FBF1: variants seen among roughly 807,000 people sequenced by gnomAD.
FBF1 encodes Fas binding factor 1.
In FBF1, 119 loss-of-function variants were observed where a neutral mutation model predicts 147.2. The ratio of observed to expected loss-of-function variants is 0.81; its 90% CI spans 0.70 to 0.94. The LOEUF is 0.94. FBF1 is among the 40% of genes least tolerant of loss of function. The pLI, the probability that FBF1 is intolerant of heterozygous loss-of-function variation, is 0.00. For synonymous variants in FBF1, 601 were observed against 609.0 expected, an observed-to-expected ratio of 0.99 and a Z score of 0.19; for missense variants, 1,449 against 1,500.8, an observed-to-expected ratio of 0.97 and a Z score of 0.57.
rs369706176 is a variant in FBF1 at position 75,926,372 on chromosome 17, A to T, written c.650T>A (p.Leu217Ter). 1 of 1,609,610 alleles carries T rather than the reference A, an allele frequency of 6.2e-7. No individual in the cohort carries two copies. The highest frequency in any genetic ancestry group is 8.5e-7 in the Non-Finnish European group (1 of 1,178,098). ...GDTPIRKKEE[L>*]LFDDGDDIMA... ...GATGTCATCCCCATCATCAAACAAC[A>T]ATTCTTCTTTTTTTCGGATGGGGGT... The change falls in exon 11 of 30, where the codon TTG becomes TAG. Residue 217 changes from leucine to a stop codon, truncating the protein, a stop_gained. Transcript: ENST00000636174. LOFTEE classifies it high-confidence loss of function.
chr17:75,915,862 G>T (rs1468448497), intron 23 of FBF1, among the ~76,000 whole-genome samples: 1 of 151,928 alleles, frequency 6.6e-6, no homozygotes, highest in Non-Finnish European at 1.5e-5. Context: ...ACAAAAATTA[G>T]CTGGGCGTGG....
At chr17:75,930,875 C>T (rs1026696451) in intron 6 of FBF1, among the ~76,000 whole-genome samples, 5 of 152,064 alleles carry the variant, frequency 3.3e-5, no homozygotes, top group African/African-American at 9.7e-5. Context: ...GAGCCAAGAT[C>T]GCACTACTGC....
At chr17:75,920,922 A>G (rs1420603129) in intron 17 of FBF1, among the ~76,000 whole-genome samples, 2 of 151,548 alleles carry the variant, frequency 1.3e-5, no homozygotes, top group Non-Finnish European at 2.9e-5. Context: ...GGAGGATGGC[A>G]AGGGTGGAGG....
chr17:75,927,455 C>T lies in FBF1; in HGVS notation c.475G>A (p.Asp159Asn), dbSNP rs1162652376. 5 of 1,587,078 alleles carry T rather than the reference C, an allele frequency of 3.2e-6. No individual in the cohort carries two copies. The highest frequency in any genetic ancestry group is 4.3e-6 in the Non-Finnish European group (5 of 1,166,890). The stretch of plus-strand genomic sequence containing the variant: ...GAGGCATGACAGGAGCCTATGGTAC[C>T]TTCAGAGGAAAACCTCCTGTTCTGA... ...GHQNRRFSSE[D>N]LEDPLRGLLS... The change falls in exon 9 of 30, where the codon GAC becomes AAC. Residue 159 changes from aspartate to asparagine, a missense_variant and splice_region_variant. Physicochemically the swap from Asp to Asn is conservative, Grantham distance 23. Transcript: ENST00000636174.
Position 75,931,573 on chromosome 17 carries a change from CA to C in FBF1, c.168-285del, listed in dbSNP as rs200828119. Among the ~76,000 whole-genome samples the C allele has an allele frequency of 5.7e-3, 864 of 152,170 alleles. 11 individuals carry two copies. The highest frequency in any genetic ancestry group is 0.019 in the African/African-American group (808 of 41,512). On this transcript the variant is annotated intron_variant, in intron 5 of 29. Transcript: ENST00000636174. ...CCGAGGCAGGTGGATCACTTGAGGT[CA>C]GGAGTTTGGGACCAACCTGGCCAAC... is the stretch of plus-strand genomic sequence containing the variant.
At chr17:75,931,203 A>G in intron 6 of FBF1, 26 bp downstream of exon 6, 2 of 1,562,906 alleles carry the variant, frequency 1.3e-6, no homozygotes, top group South Asian at 1.2e-5. Context: ...ATAAGTAGGG[A>G]GGTGGAGGGA....
chr17:75,937,864 G>T (rs1344958736), intron 2 of FBF1: 4 of 626,076 alleles, frequency 6.4e-6, no homozygotes, highest in Non-Finnish European at 1.1e-5. Context: ...CCTCCCAGCC[G>T]AGATGTCATG....
At chr17:75,939,270 T>C (rs1236808119) in intron 1 of FBF1, among the ~76,000 whole-genome samples, 2 of 127,210 alleles carry the variant, frequency 1.6e-5, no homozygotes, top group Non-Finnish European at 3.1e-5. Flanking sequence ...CACTCCAGCC[T>C]GGGCAACATG....
Position 75,921,239 on chromosome 17 carries a change from C to T in FBF1, c.1674+5G>A. ...TGAGCTAGACCTGTCTGCCCACACC[C>T]CTACCTGGACGGGCACGGAAGGCTC... On this transcript the variant is annotated splice_donor_5th_base_variant and intron_variant, in intron 17 of 29. Coordinates refer to ENST00000636174, the MANE Select transcript of FBF1 (RefSeq NM_001319193.2). 2 of 1,581,292 alleles carry T rather than the reference C, an allele frequency of 1.3e-6. No homozygotes were observed. Among genetic ancestry groups the T allele is most frequent in the East Asian group, 2.3e-5 (1 of 43,142 alleles).
chr17:75,936,694 C>G (rs1242674438), intron 3 of FBF1, among the ~76,000 whole-genome samples: 1 of 151,712 alleles, frequency 6.6e-6, no homozygotes, highest in Non-Finnish European at 1.5e-5. Context: ...AACAAAAAAA[C>G]ACAACTATCT....
chr17:75,915,203 C>A, intron 23 of FBF1, 64 bp from the exon 24 acceptor site: 4 of 1,539,930 alleles, frequency 2.6e-6, no homozygotes, highest in Non-Finnish European at 3.5e-6. Context: ...CTGGCCACTC[C>A]CTGAGAAGCT....
rs552970351 is a variant in FBF1 at position 75,920,308 on chromosome 17, T to A, written c.1796A>T (p.His599Leu). The stretch of plus-strand genomic sequence containing the variant: ...CAGCTCTGCCAGCCGGGCCTGGCTA[T>A]GCAGCAGCTCGGCCTGGAGCTCAGC... ...SPAELQAELL[H>L]SQARLAELEA... The change falls in exon 18 of 30, where the codon CAT becomes CTT. Residue 599 changes from histidine (H) to leucine (L), a missense_variant. His to Leu is a moderately conservative substitution (Grantham distance 99). Coordinates refer to ENST00000636174, the MANE Select transcript of FBF1 (RefSeq NM_001319193.2). 5.0e-6 allele frequency: 8 copies of A among 1,611,468 alleles called. No individual in the cohort carries two copies. The African/African-American group carries it at 1.1e-4, about 21-fold the overall frequency.
intron 4 of FBF1, 105 bp downstream of exon 4, chr17:75,935,527 G>T: frequency 8.4e-7 from 1 of 1,192,626 alleles, no homozygotes; most frequent in Non-Finnish European, 1.2e-6. Context: ...GGAGGCGGGA[G>T]GATCATTTCA....
In FBF1 at chr17:75,915,128, C is replaced by G. The variant is rs756620951; in HGVS notation, c.2517G>C (p.Arg839=). The change falls in exon 24 of 30, where the codon CGG becomes CGC. Residue 839 remains arginine (R), a synonymous_variant. Coordinates refer to ENST00000636174, the MANE Select transcript of FBF1 (RefSeq NM_001319193.2). ...CCGCCTTGGACTGCTCGGCAGTCAC[C>G]CGCCAGCGTTCCTGTAGGGCCCAGG... ...QSRLLEQERW[R]VTAEQSKAES... is the part of the protein sequence containing the mutation. 1 of 1,610,036 alleles carries G rather than the reference C, an allele frequency of 6.2e-7. No individual in the cohort carries two copies. The highest frequency in any genetic ancestry group is 1.7e-5 in the Admixed American group (1 of 59,848).
chr17:75,940,135 G>A (rs1057310249), intron 1 of FBF1, among the ~76,000 whole-genome samples: 2 of 151,470 alleles, frequency 1.3e-5, no homozygotes, highest in Non-Finnish European at 2.9e-5. Context: ...TAGTAGAGAC[G>A]GGGTTTCACT....
intron 6 of FBF1, 185 bp from the exon 7 acceptor site, chr17:75,930,232 A>C: frequency 1.7e-6 from 1 of 593,106 alleles, no homozygotes; most frequent in South Asian, 2.0e-5. Flanking sequence ...AGTTGTTTGA[A>C]GCCAAACCTG....
chr17:75,918,134 G>A lies in FBF1; in HGVS notation c.2246+28C>T, dbSNP rs966260794. 3.1e-6 allele frequency: 5 copies of A among 1,610,884 alleles called. No homozygotes were observed. In the South Asian group the frequency reaches 3.3e-5, roughly 11 times the overall value. On this transcript the variant is annotated intron_variant, in intron 21 of 29. Transcript: ENST00000636174. This position sits in a 1 kb window ranked among gnomAD's most constrained non-coding sequence, Gnocchi z 5.8. ...GGGACCTTCCGGCCCCCAACGTCAG[G>A]CGGGCATGGTTGGGGCAGCGCACAT...
Position 75,935,689 on chromosome 17 carries a change from G to A in FBF1, c.32-16C>T, listed in dbSNP as rs1304343947. ...TCAATGGAGCCTGGAACAGAAAAGG[G>A]ACTGTCATGACTTCAGGAGGAAAGA... On this transcript the variant is annotated splice_polypyrimidine_tract_variant and intron_variant, in intron 3 of 29. Transcript: ENST00000636174. 6.5e-7 allele frequency: 1 copy of A among 1,535,726 alleles called. No homozygotes were observed. Among genetic ancestry groups the A allele is most frequent in the Non-Finnish European group, 8.7e-7 (1 of 1,146,370 alleles).
In FBF1 at chr17:75,923,501, A is replaced by G; in HGVS notation, c.1109T>C (p.Phe370Ser). 1 of 1,606,856 alleles carries G rather than the reference A, an allele frequency of 6.2e-7. No homozygotes were observed. Among genetic ancestry groups the G allele is most frequent in the Middle Eastern group, 1.7e-4 (1 of 6,052 alleles). Residue 370 changes from phenylalanine (F) to serine (S), a missense_variant, in exon 14 of 30, where the codon TTC (phenylalanine) becomes TCC (serine). By Grantham distance (155) the Phe-to-Ser change is radical (BLOSUM62 -2). Transcript: ENST00000636174. The surrounding 1 kb of genome is among the most constrained non-coding windows in gnomAD (Gnocchi z 4.1). ...LGLKDEDLDL[F>S]PASPTREAHR... ...GGCCTCTCTGGTGGGTGAGGCAGGG[A>G]ACAGGTCCAAGTCCTCGTCCTTGAG...
Sources: allele counts gnomAD v4.1 joint callset (sites outside exome capture counted in the v4.1 genomes callset), GRCh38; gene constraint gnomAD v4.1.1; non-coding constraint Gnocchi (gnomAD v3.1); transcripts MANE v1.5; gene names NCBI Gene and HGNC (gene_info 2026-07-23, HGNC 2026-07-21).